The following MCM9 variants were observed in gnomAD, a reference collection of about 807,000 sequenced individuals.
The protein encoded by MCM9 is DNA helicase MCM9.
Under a neutral mutation model 72.8 loss-of-function variants are expected in MCM9, and 55 were observed. The ratio of observed to expected loss-of-function variants is 0.76; its 90% CI spans 0.61 to 0.95. The LOEUF (loss-of-function observed/expected upper bound fraction) is 0.95. MCM9 is among the 40% of genes least tolerant of loss of function. MCM9 has a pLI of 0.00. For synonymous variants in MCM9, 480 were observed against 503.4 expected (o/e 0.95, Z 0.62); for missense variants, 1,279 against 1,377.0 (o/e 0.93, Z 1.13).
At chr6:118,902,963 G>A (rs1364256957) in intron 8 of MCM9, among the ~76,000 whole-genome samples, 1 of 152,188 alleles carries the variant, frequency 6.6e-6, no homozygotes, top group Non-Finnish European at 1.5e-5. Flanking sequence ...AGTATTGCCA[G>A]CTAGAGTCAA....
Position 118,913,378 on chromosome 6 carries a change from C to A in MCM9, c.947G>T (p.Gly316Val). The change falls in exon 7 of 14, where the codon GGA (glycine) becomes GTA (valine). Residue 316 changes from glycine (G) to valine (V), a missense_variant. By Grantham distance (109) the Gly-to-Val change is moderately radical. Coordinates refer to ENST00000619706, the MANE Select transcript of MCM9 (RefSeq NM_017696.3). ...ILASLCPQVF[G>V]MYLVKLAVAM... ...CACAGCAAGCTTTACTAGATACATT[C>A]CAAACACTTGAGGGCACAAGCTAGC... 6.2e-7 allele frequency: 1 copy of A among 1,614,066 alleles called. No individual in the cohort carries two copies. Among genetic ancestry groups the A allele is most frequent in the Non-Finnish European group, 8.5e-7 (1 of 1,179,958 alleles).
At chr6:118,838,312 G>A (rs558798673) in intron 9 of MCM9, among the ~76,000 whole-genome samples, 2 of 152,008 alleles carry the variant, frequency 1.3e-5, no homozygotes, top group East Asian at 1.9e-4. Context: ...ACAGGCACCC[G>A]CCACCACGCC....
Position 118,917,641 on chromosome 6 carries a change from G to A in MCM9, c.824C>T (p.Ser275Phe), listed in dbSNP as rs138619446. ...ANYIQVNNEQ[S>F]SGIIMDEEVQ... ...CTCCTCATCCATGATGATCCCTGAG[G>A]ACTGCTCATTATTTACTTGGATGTA... Residue 275 changes from serine (S) to phenylalanine (F), a missense_variant, in exon 6 of 14, where the codon TCC becomes TTC. Transcript: ENST00000619706. 2.5e-6 allele frequency: 4 copies of A among 1,614,078 alleles called. No individual in the cohort carries two copies. The highest frequency in any genetic ancestry group is 3.4e-6 in the Non-Finnish European group (4 of 1,180,008).
In MCM9 at chr6:118,826,749, A is replaced by G. The variant is rs565518508; in HGVS notation, c.1815+33T>C. 2.7e-4 allele frequency: 398 copies of G among 1,465,064 alleles called. 4 individuals carry two copies. In the South Asian group the frequency reaches 4.8e-3, roughly 18 times the overall value. The allele number at this position is 1,465,064 out of a possible 1,614,324, so 90.8% of individuals were successfully genotyped here. On this transcript the variant is annotated intron_variant, in intron 12 of 13. Coordinates refer to ENST00000619706, the MANE Select transcript of MCM9 (RefSeq NM_017696.3). ...TTTAAAAAAAAGAAAGTTTGTAATT[A>G]GGATAAAAATTAGGTACACAAAATA...
chr6:118,899,694 A>G (rs749304156), intron 8 of MCM9, among the ~76,000 whole-genome samples: 10 of 152,256 alleles, frequency 6.6e-5, no homozygotes, highest in Non-Finnish European at 5.9e-5. Flanking sequence ...AATACAATAT[A>G]AATAAGCAGT....
chr6:118,861,734 C>T (rs1776918678), intron 8 of MCM9, among the ~76,000 whole-genome samples: 1 of 152,128 alleles, frequency 6.6e-6, no homozygotes, highest in Admixed American at 6.5e-5. Flanking sequence ...CTGACTGGTC[C>T]ACGGGTGGAC....
chr6:118,890,685 T>C (rs1583556784), intron 8 of MCM9, among the ~76,000 whole-genome samples: 1 of 152,340 alleles, frequency 6.6e-6, no homozygotes. Context: ...ATTTACTCCA[T>C]TTAGAAATGT....
intron 8 of MCM9, among the ~76,000 whole-genome samples, chr6:118,903,683 G>T (rs1360378871): frequency 1.3e-5 from 2 of 152,182 alleles, no homozygotes; most frequent in African/African-American, 2.4e-5. Context: ...AATTTTTCAG[G>T]ATGTGAGCGA....
At chr6:118,916,117 C>T (rs539970907) in intron 6 of MCM9, among the ~76,000 whole-genome samples, 7 of 150,750 alleles carry the variant, frequency 4.6e-5, no homozygotes, top group South Asian at 4.2e-4. Flanking sequence ...CTTTGGGAGA[C>T]GGAAGTGTGA....
Position 118,922,780 on chromosome 6 carries a change from C to A in MCM9, c.622-694G>T, listed in dbSNP as rs886664731. 3.9e-5 allele frequency among the ~76,000 whole-genome samples: 6 copies of A among 152,044 alleles called. No individual in the cohort carries two copies. The East Asian group carries it at 7.7e-4, about 20-fold the overall frequency. On this transcript the variant is annotated intron_variant, in intron 4 of 13. Transcript: ENST00000619706. ...GGTGTGGTGGCTCACATCTGTAATC[C>A]CAGCACTTTGGGAGGCCGAGGTGGG...
chr6:118,859,410 G>C (rs1294722559), intron 8 of MCM9, among the ~76,000 whole-genome samples: 1 of 152,092 alleles, frequency 6.6e-6, no homozygotes, highest in African/African-American at 2.4e-5. Context: ...CAAGTAAAAA[G>C]CTAAACAAAA....
intron 9 of MCM9, among the ~76,000 whole-genome samples, chr6:118,843,740 A>ATATG (rs1231635728): frequency 4.7e-5 from 6 of 129,026 alleles, no homozygotes; most frequent in African/African-American, 1.2e-4. Context: ...ATATATATAT[A>ATATG]TGAGAAATTT....
chr6:118,890,101 G>C (rs1321995365), intron 8 of MCM9, among the ~76,000 whole-genome samples: 1 of 152,174 alleles, frequency 6.6e-6, no homozygotes, highest in Non-Finnish European at 1.5e-5. Flanking sequence ...GCCTCCCCCA[G>C]CTTTGCCTTG....
rs752485656 is a variant in MCM9, at chr6:118,923,982, G to A, written c.450C>T (p.Cys150=). Residue 150 remains cysteine, a synonymous_variant, in exon 4 of 14, where the codon TGC becomes TGT. Transcript: ENST00000619706. The stretch of plus-strand genomic sequence containing the variant: ...CAGCCTTGATCACAAACACATGCTT[G>A]CATTTGTTACACATGTAATCCCGCT... ...EFERDYMCNK[C]KHVFVIKADF... 1.1e-5 allele frequency: 17 copies of A among 1,614,050 alleles called. No individual in the cohort carries two copies. Among genetic ancestry groups the A allele is most frequent in the Non-Finnish European group, 1.4e-5 (16 of 1,180,030 alleles).
intron 8 of MCM9, chr6:118,893,878 A>C (rs867781568): frequency 1.1e-5 from 3 of 283,844 alleles, no homozygotes; most frequent in Non-Finnish European, 1.6e-5. Context: ...CAAAACACCC[A>C]CACGAAGCCA....
chr6:118,892,456 T>G (rs1349984349), intron 8 of MCM9, among the ~76,000 whole-genome samples: 1 of 152,196 alleles, frequency 6.6e-6, no homozygotes, highest in Non-Finnish European at 1.5e-5. Flanking sequence ...TTAACAAGCA[T>G]AAAATGTCGT....
chr6:118,869,140 C>T (rs958184402), intron 8 of MCM9, among the ~76,000 whole-genome samples: 2 of 152,160 alleles, frequency 1.3e-5, no homozygotes, highest in Non-Finnish European at 2.9e-5. Context: ...AACCATCATT[C>T]TCAGCAAACT....
In MCM9 at chr6:118,881,225, TA is replaced by T. The variant is rs1220942569; in HGVS notation, c.1151-24681del. On this transcript the variant is annotated intron_variant, in intron 8 of 13. Coordinates refer to ENST00000619706, the MANE Select transcript of MCM9 (RefSeq NM_017696.3). ...AGTACTATGTCAGCCAAGGATTACG[TA>T]TAATTTTATAATAATGTTTAATTTA... Among the ~76,000 whole-genome samples, 5 of 152,234 alleles carry T rather than the reference TA, an allele frequency of 3.3e-5. No individual in the cohort carries two copies. The East Asian group carries it at 9.6e-4, about 29-fold the overall frequency.
intron 8 of MCM9, among the ~76,000 whole-genome samples, chr6:118,893,817 A>T (rs1779114970): frequency 6.7e-6 from 1 of 149,574 alleles, no homozygotes; most frequent in Non-Finnish European, 1.5e-5. Context: ...TGATGTAAAA[A>T]GAGCGTTAAA....
Sources: allele counts gnomAD v4.1 joint callset (sites outside exome capture counted in the v4.1 genomes callset), GRCh38; gene constraint gnomAD v4.1.1; transcripts MANE v1.5; gene names NCBI Gene and HGNC (gene_info 2026-07-23, HGNC 2026-07-21).